ZNF169: variants seen among roughly 807,000 people sequenced by gnomAD.
The protein encoded by ZNF169 is zinc finger protein 169.
A neutral mutation model predicts 12.0 loss-of-function variants in ZNF169; 11 were observed. The observed-to-expected ratio is 0.92, with a 90% CI of 0.58 to 1.52. The LOEUF (loss-of-function observed/expected upper bound fraction) is 1.52. Among genes scored for constraint, ZNF169 ranks in the 40% most tolerant of loss-of-function variants. ZNF169 has a pLI of 0.00. For missense variants in ZNF169, 722 were observed against 744.0 expected (o/e 0.97, Z 0.34); for synonymous variants, 302 against 286.5 (o/e 1.05, Z -0.55).
In ZNF169 at chr9:94,301,193, T is replaced by C. The variant is rs1411054216; in HGVS notation, c.1635T>C (p.Asp545=). Residue 545 remains aspartate, a synonymous_variant, in exon 5 of 5, where the codon GAT becomes GAC. Coordinates refer to ENST00000395395, the MANE Select transcript of ZNF169 (RefSeq NM_194320.4). ...CAGGAGAGAAGCCCTGCATTTGCGA[T>C]GAATGTGGGCGCGGCTTTGGCTTTA... ...THSGEKPCIC[D]ECGRGFGFKS... is the part of the protein sequence containing the mutation. 2 of 1,614,006 alleles carry C rather than the reference T, an allele frequency of 1.2e-6. No homozygotes were observed. The highest frequency in any genetic ancestry group is 1.1e-5 in the South Asian group (1 of 91,076).
intron 2 of ZNF169, among the ~76,000 whole-genome samples, chr9:94,283,565 T>G (rs1830675486): frequency 6.6e-6 from 1 of 152,174 alleles, no homozygotes; most frequent in Non-Finnish European, 1.5e-5. Flanking sequence ...TGCTGCTTAG[T>G]GGTGAGAGAG....
Position 94,288,868 on chromosome 9 carries a change from C to T in ZNF169, c.34-3473C>T, listed in dbSNP as rs566732757. On this transcript the variant is annotated intron_variant, in intron 2 of 4. Transcript: ENST00000395395. ...CCCAGTCTCAGGTAGTTCTTTATAG[C>T]AGGGTCCCCTGAAACAATCAGGAAG... Among the ~76,000 whole-genome samples, 4 of 152,130 alleles carry T rather than the reference C, an allele frequency of 2.6e-5. No individual in the cohort carries two copies. In the East Asian group the frequency reaches 7.7e-4, roughly 29 times the overall value.
At chr9:94,290,947 T>C (rs1205969106) in intron 2 of ZNF169, among the ~76,000 whole-genome samples, 1 of 152,068 alleles carries the variant, frequency 6.6e-6, no homozygotes, top group East Asian at 1.9e-4. Context: ...TTTCTGGTAG[T>C]AGTTATCCTG....
chr9:94,265,960 C>G (rs1363313499), intron 1 of ZNF169, among the ~76,000 whole-genome samples: 1 of 151,736 alleles, frequency 6.6e-6, no homozygotes, highest in Non-Finnish European at 1.5e-5. Flanking sequence ...GTGGCACATG[C>G]CTGTAATCTC....
rs760053216 is a variant in ZNF169 at position 94,300,885 on chromosome 9, G to T, written c.1327G>T (p.Val443Phe). 4 of 1,608,740 alleles carry T rather than the reference G, an allele frequency of 2.5e-6. No homozygotes were observed. The highest frequency in any genetic ancestry group is 2.2e-5 in the South Asian group (2 of 90,832). Residue 443 changes from valine to phenylalanine, a missense_variant, in exon 5 of 5, where the codon GTC becomes TTC. By Grantham distance (50) the Val-to-Phe change is conservative (BLOSUM62 -1). Coordinates refer to ENST00000395395, the MANE Select transcript of ZNF169 (RefSeq NM_194320.4). Reference sequence around the variant, plus strand: ...GTGTGGGCGGGGTTTTAGCCAGAAGGTCACCCTCATTGGACACCAGAGGAC... The same window carrying T: ...GTGTGGGCGGGGTTTTAGCCAGAAGTTCACCCTCATTGGACACCAGAGGAC... ...PQCGRGFSQK[V>F]TLIGHQRTHT...
chr9:94,276,185 C>T (rs944078705), intron 1 of ZNF169, among the ~76,000 whole-genome samples: 1 of 152,126 alleles, frequency 6.6e-6, no homozygotes, highest in African/African-American at 2.4e-5. Flanking sequence ...TAAATGTTGT[C>T]TAATATCTAA....
intron 2 of ZNF169, among the ~76,000 whole-genome samples, chr9:94,280,663 G>A (rs1273863841): frequency 4.6e-5 from 7 of 152,204 alleles, no homozygotes; most frequent in Non-Finnish European, 1.0e-4. Context: ...GGGCAAGGGA[G>A]GGGAAGGGGT....
Position 94,300,807 on chromosome 9 carries a change from C to T in ZNF169, c.1249C>T (p.Leu417Phe). Reference protein sequence around the residue: ...CGHSFRQKVTLIRHQRTHTGE... With the variant: ...CGHSFRQKVTFIRHQRTHTGE... ...GCACAGCTTTCGCCAAAAGGTCACTCTCATCAGGCACCAGAGGACACACAC... is the reference window on the plus strand; with the variant it reads ...GCACAGCTTTCGCCAAAAGGTCACTTTCATCAGGCACCAGAGGACACACAC... The change falls in exon 5 of 5, where the codon CTC becomes TTC. Residue 417 changes from leucine (L) to phenylalanine (F), a missense_variant. Physicochemically the swap from Leu to Phe is conservative, Grantham distance 22. Transcript: ENST00000395395. The T allele has an allele frequency of 6.2e-7, 1 of 1,614,056 alleles. No homozygotes were observed. Among genetic ancestry groups the T allele is most frequent in the Non-Finnish European group, 8.5e-7 (1 of 1,180,002 alleles).
At chr9:94,272,940 C>A (rs1157562919) in intron 1 of ZNF169, among the ~76,000 whole-genome samples, 2 of 151,998 alleles carry the variant, frequency 1.3e-5, no homozygotes, top group Non-Finnish European at 2.9e-5. Context: ...TAGGTGATAT[C>A]TCATTTTGGT....
Position 94,300,126 on chromosome 9 carries a change from C to T in ZNF169, c.568C>T (p.Gln190Ter). Reference sequence around the variant, plus strand: ...AGGAGGAACAGACCTTCGCCTGGCCCAAAGGATGAGTCTTGGGGGGTCAGA... The same window carrying T: ...AGGAGGAACAGACCTTCGCCTGGCCTAAAGGATGAGTCTTGGGGGGTCAGA... ...REGGTDLRLA[Q>*]RMSLGGSDTM... The change falls in exon 5 of 5, where the codon CAA becomes TAA. Residue 190 changes from glutamine to a stop codon, truncating the protein, a stop_gained. Transcript: ENST00000395395. LOFTEE classifies it low-confidence loss of function (END_TRUNC). The T allele has an allele frequency of 6.2e-7, 1 of 1,614,112 alleles. No individual in the cohort carries two copies. The highest frequency in any genetic ancestry group is 8.5e-7 in the Non-Finnish European group (1 of 1,180,026).
chr9:94,278,896 T>C (rs1423556351), intron 2 of ZNF169, 51 bp downstream of exon 2: 2 of 1,600,400 alleles, frequency 1.2e-6, no homozygotes, highest in Admixed American at 1.7e-5. Flanking sequence ...TCATAATCTT[T>C]TCTTGTCCTG....
At chr9:94,281,136 A>G (rs772380688) in intron 2 of ZNF169, among the ~76,000 whole-genome samples, 17 of 152,212 alleles carry the variant, frequency 1.1e-4, no homozygotes, top group Non-Finnish European at 2.1e-4. Flanking sequence ...CAAAGCTTCC[A>G]TATCTAGAAT....
At chr9:94,270,544 T>A (rs1421572718) in intron 1 of ZNF169, among the ~76,000 whole-genome samples, 1 of 143,790 alleles carries the variant, frequency 7.0e-6, no homozygotes, top group Non-Finnish European at 1.5e-5. Context: ...GCTAATTTGT[T>A]AGGAGTTTTT....
chr9:94,278,403 G>C (rs1587677177), intron 1 of ZNF169, among the ~76,000 whole-genome samples: 1 of 152,132 alleles, frequency 6.6e-6, no homozygotes, highest in Non-Finnish European at 1.5e-5. Flanking sequence ...CAGTAAATAT[G>C]GATGGGATGC....
intron 1 of ZNF169, among the ~76,000 whole-genome samples, chr9:94,271,980 A>G (rs1300380196): frequency 1.3e-5 from 2 of 152,150 alleles, no homozygotes; most frequent in African/African-American, 4.8e-5. Context: ...CTTCTGGTTA[A>G]AGTTTAAAAT....
At chr9:94,287,491 G>C (rs1270374627) in intron 2 of ZNF169, among the ~76,000 whole-genome samples, 1 of 151,938 alleles carries the variant, frequency 6.6e-6, no homozygotes, top group Admixed American at 6.6e-5. Flanking sequence ...TCAGCCCCCG[G>C]TTAGCTGGGA....
intron 1 of ZNF169, among the ~76,000 whole-genome samples, chr9:94,274,836 T>C (rs1162176328): frequency 6.6e-6 from 1 of 152,222 alleles, no homozygotes; most frequent in Non-Finnish European, 1.5e-5. Context: ...TGGTCCACTA[T>C]AGAATATGGG....
intron 2 of ZNF169, among the ~76,000 whole-genome samples, chr9:94,291,047 C>CTTTTTTTTTT (rs59027045): frequency 1.3e-4 from 8 of 59,600 alleles, no homozygotes; most frequent in East Asian, 9.3e-4. Flanking sequence ...GAACAGTATT[C>CTTTTTTTTTT]TTTTTTTTTT....
At chr9:94,264,579 C>T (rs953565933) in intron 1 of ZNF169, among the ~76,000 whole-genome samples, 2 of 152,176 alleles carry the variant, frequency 1.3e-5, no homozygotes, top group African/African-American at 4.8e-5. Context: ...CACAAAAACT[C>T]TTACAGGGCA....
Sources: gnomAD v4.1 joint callset for allele counts (sites outside exome capture counted in the v4.1 genomes callset) on GRCh38, gnomAD v4.1.1 for gene constraint, MANE v1.5 for transcripts, NCBI Gene and HGNC (gene_info 2026-07-23, HGNC 2026-07-21) for gene names.